The following ZNF331 variants were observed in gnomAD, a reference collection of about 807,000 sequenced individuals.
The protein encoded by ZNF331 is zinc finger protein 331, also known as C2H2-like zinc finger protein rearranged in thyroid adenomas.
In ZNF331, 2 loss-of-function variants were observed where a neutral mutation model predicts 7.0. That is an observed-to-expected ratio of 0.29 (90% CI 0.12 to 0.90). The LOEUF is 0.90. Ranked by LOEUF, ZNF331 falls within the 40% of genes least tolerant of loss-of-function variation. The probability of loss-of-function intolerance (pLI) is 0.58; values close to 1 mark genes in which losing one functional copy is unlikely to be tolerated. For missense variants in ZNF331, 432 were observed against 587.7 expected (o/e 0.74, Z 2.74); for synonymous variants, 196 against 205.4 (o/e 0.95, Z 0.39).
intron 2 of ZNF331, among the ~76,000 whole-genome samples, chr19:53,547,711 G>A (rs2088708195): frequency 6.6e-6 from 1 of 152,142 alleles, no homozygotes; most frequent in Non-Finnish European, 1.5e-5. Flanking sequence ...TTTAATAAAA[G>A]CCATTCTTAC....
intron 2 of ZNF331, among the ~76,000 whole-genome samples, chr19:53,552,603 TG>T (rs915427023): frequency 1.5e-4 from 23 of 151,796 alleles, no homozygotes; most frequent in African/African-American, 5.6e-4. Context: ...TGTGGTGGCG[TG>T]CACCTGTAGT....
intron 2 of ZNF331, among the ~76,000 whole-genome samples, chr19:53,542,078 G>A (rs1042852528): frequency 7.9e-5 from 12 of 151,984 alleles, no homozygotes; most frequent in African/African-American, 2.9e-4. Flanking sequence ...AAGCATGTGT[G>A]TGTTTTGTTT....
Position 53,560,692 on chromosome 19 carries a change from C to T in ZNF331, c.-74+4784C>T, listed in dbSNP as rs753782447. Among the ~76,000 whole-genome samples the T allele has an allele frequency of 5.3e-5, 8 of 152,100 alleles. No homozygotes were observed. The highest frequency in any genetic ancestry group is 1.4e-4 in the African/African-American group (6 of 41,382). On this transcript the variant is annotated intron_variant, in intron 3 of 5. Coordinates refer to ENST00000449416, the MANE Select transcript of ZNF331 (RefSeq NM_001079906.2). This position sits in a 1 kb window ranked among gnomAD's most constrained non-coding sequence, Gnocchi z 4.3. Reference sequence around the variant, plus strand: ...GTCCTTGCTTTTGCTGGCTTCTAGACGCCGCCCACACTCCTTAGTTCGTGA... The same window carrying T: ...GTCCTTGCTTTTGCTGGCTTCTAGATGCCGCCCACACTCCTTAGTTCGTGA...
intron 2 of ZNF331, among the ~76,000 whole-genome samples, chr19:53,550,529 C>CTTTTTTTTTT (rs60619357): frequency 0.023 from 1,455 of 64,612 alleles, 23 homozygotes; most frequent in East Asian, 0.027. Flanking sequence ...TCTATTTTGT[C>CTTTTTTTTTT]TTTTTTTTTT....
chr19:53,505,755 G>A, the ZNF331 span, among the ~76,000 whole-genome samples: 2 of 152,134 alleles, frequency 1.3e-5, no homozygotes, highest in African/African-American at 4.8e-5. Flanking sequence ...GGAAGGCCAA[G>A]GTGGGTGGAT....
At chr19:53,576,422 C>T (rs988181602) in intron 5 of ZNF331, among the ~76,000 whole-genome samples, 8 of 152,236 alleles carry the variant, frequency 5.3e-5, no homozygotes, top group Non-Finnish European at 1.0e-4. Flanking sequence ...ATCATCACAT[C>T]ATCTACAAAT....
rs1450206772 is a variant in ZNF331, at chr19:53,571,961, G to A, written c.136+231G>A. On this transcript the variant is annotated intron_variant, in intron 5 of 5. Coordinates refer to ENST00000449416, the MANE Select transcript of ZNF331 (RefSeq NM_001079906.2). The surrounding 1 kb of genome is among the most constrained non-coding windows in gnomAD (Gnocchi z 4.7). ...TAATCATCTCACTTCCTTAATGTCC[G>A]TGGAATGAGTGGGAATTCTGGGATA... 2.0e-5 allele frequency among the ~76,000 whole-genome samples: 3 copies of A among 152,032 alleles called. No homozygotes were observed. The highest frequency in any genetic ancestry group is 2.1e-4 in the South Asian group (1 of 4,828).
At position 53,578,485 on chromosome 19, in the gene ZNF331, A is replaced by G. The variant is rs1021984299; in HGVS notation, c.*533A>G. On this transcript the variant is annotated 3_prime_UTR_variant, in exon 6 of 6. Transcript: ENST00000449416. The stretch of plus-strand genomic sequence containing the variant: ...ATACGTTCACATAATTTTATTACAT[A>G]TATTGTTACAATTGTTCTATTTTGT... 18 of 226,702 alleles carry G rather than the reference A, an allele frequency of 7.9e-5. No individual in the cohort carries two copies. The highest frequency in any genetic ancestry group is 3.3e-4 in the Admixed American group (6 of 18,272). The allele number at this position is 226,702 out of a possible 1,614,324, so 14.0% of individuals were successfully genotyped here.
the ZNF331 span, among the ~76,000 whole-genome samples, chr19:53,509,922 A>G: frequency 2.0e-5 from 3 of 152,214 alleles, no homozygotes; most frequent in Admixed American, 6.5e-5. Context: ...CATTGTGAAA[A>G]GGAGAGACAG....
intron 3 of ZNF331, among the ~76,000 whole-genome samples, chr19:53,568,354 G>A (rs1401085990): frequency 6.6e-6 from 1 of 152,072 alleles, no homozygotes; most frequent in African/African-American, 2.4e-5. Context: ...TGTCTTTGAT[G>A]TGTGACAACA....
At chr19:53,567,070 A>G (rs562772811) in intron 3 of ZNF331, among the ~76,000 whole-genome samples, 3 of 152,290 alleles carry the variant, frequency 2.0e-5, no homozygotes, top group African/African-American at 7.2e-5. Flanking sequence ...ACCTAACTTT[A>G]CTGAGAGTAT....
At chr19:53,506,476 C>G in the ZNF331 span, among the ~76,000 whole-genome samples, 133 of 134,434 alleles carry the variant, frequency 9.9e-4, 2 homozygotes, top group Middle Eastern at 0.011. Context: ...CTCTCTCTCT[C>G]TCTCTGTCTG....
At chr19:53,549,963 A>G (rs2147405031) in intron 2 of ZNF331, among the ~76,000 whole-genome samples, 1 of 152,304 alleles carries the variant, frequency 6.6e-6, no homozygotes, top group South Asian at 2.1e-4. Flanking sequence ...TTTGTCTCAA[A>G]ATATTTTTAC....
chr19:53,520,958 T>C (rs2087048916), upstream of ZNF331: 1 of 152,244 alleles, frequency 6.6e-6, no homozygotes, highest in African/African-American at 2.4e-5. Context: ...TGGGAAACAC[T>C]GACGGGCGCC....
At chr19:53,567,207 G>A (rs929874137) in intron 3 of ZNF331, among the ~76,000 whole-genome samples, 3 of 152,126 alleles carry the variant, frequency 2.0e-5, no homozygotes, top group Non-Finnish European at 4.4e-5. Context: ...AGTGCTCTCA[G>A]ATGTCACCTC....
At chr19:53,513,166 G>A in the ZNF331 span, among the ~76,000 whole-genome samples, 3 of 151,406 alleles carry the variant, frequency 2.0e-5, no homozygotes, top group South Asian at 6.4e-4. Context: ...AACCCTCTCA[G>A]CCGCTGAGAA....
At chr19:53,574,239 CTG>C (rs758664022) in intron 5 of ZNF331, among the ~76,000 whole-genome samples, 8 of 152,112 alleles carry the variant, frequency 5.3e-5, no homozygotes, top group Non-Finnish European at 7.3e-5. Flanking sequence ...GCCAGAGGTA[CTG>C]TCTTATAGAA....
chr19:53,524,733 T>C (rs1409290962), intron 2 of ZNF331, among the ~76,000 whole-genome samples: 1 of 152,192 alleles, frequency 6.6e-6, no homozygotes, highest in South Asian at 2.1e-4. Flanking sequence ...CTTCTGATAG[T>C]AGTTTCTTTT....
chr19:53,567,729 C>T (rs1007674660), intron 3 of ZNF331, among the ~76,000 whole-genome samples: 1 of 151,832 alleles, frequency 6.6e-6, no homozygotes, highest in African/African-American at 2.4e-5. Flanking sequence ...TGTAATCCCA[C>T]CTACTCGGGA....
Sources: gnomAD v4.1 joint callset for allele counts (sites outside exome capture counted in the v4.1 genomes callset) on GRCh38, gnomAD v4.1.1 for gene constraint, Gnocchi (gnomAD v3.1) non-coding constraint, MANE v1.5 for transcripts, NCBI Gene and HGNC (gene_info 2026-07-23, HGNC 2026-07-21) for gene names.